The following ADAMTS10 variants were observed in gnomAD, a reference collection of about 807,000 sequenced individuals.
The protein encoded by ADAMTS10 is ADAM metallopeptidase with thrombospondin type 1 motif 10, also known as A disintegrin and metalloproteinase with thrombospondin motifs 10.
Under a neutral mutation model 135.9 loss-of-function variants are expected in ADAMTS10, and 48 were observed. The observed-to-expected ratio is 0.35, with a 90% CI of 0.28 to 0.45. ADAMTS10 has a LOEUF of 0.45. Ranked by LOEUF, ADAMTS10 falls within the 20% of genes least tolerant of loss-of-function variation. ADAMTS10 has a pLI of 1.00. For synonymous variants in ADAMTS10, 621 were observed against 647.5 expected (o/e 0.96, Z 0.62); for missense variants, 1,131 against 1,565.2 (o/e 0.72, Z 4.68).
At chr19:8,588,363 G>C (rs1042156327) in intron 18 of ADAMTS10, among the ~76,000 whole-genome samples, 10 of 152,090 alleles carry the variant, frequency 6.6e-5, no homozygotes, top group Non-Finnish European at 5.9e-5. Flanking sequence ...TGGGATTACA[G>C]GTGTGAGCCA....
intron 12 of ADAMTS10, 60 bp downstream of exon 12, chr19:8,595,702 T>TCCCCCCCC: frequency 3.4e-6 from 3 of 894,220 alleles, no homozygotes; most frequent in Non-Finnish European, 5.0e-6. Flanking sequence ...TGGAGTTCCC[T>TCCCCCCCC]CCCCCAGCCC....
rs2042666536 is a variant in ADAMTS10 at position 8,601,205 on chromosome 19, ACAACTGT to A, written c.593-67_593-61del. ...TGCTGGTGGGACGCAGAGCTGCCTG[ACAACTGT>A]CTTGTCCAACCTCTGACTGGCTACC... On this transcript the variant is annotated intron_variant, in intron 5 of 25. Coordinates refer to ENST00000597188, the MANE Select transcript of ADAMTS10 (RefSeq NM_030957.4). The surrounding 1 kb of genome is among the most constrained non-coding windows in gnomAD (Gnocchi z 4.6). 1.3e-6 allele frequency: 2 copies of A among 1,570,804 alleles called. No homozygotes were observed. The highest frequency in any genetic ancestry group is 1.7e-6 in the Non-Finnish European group (2 of 1,156,080).
intron 5 of ADAMTS10, among the ~76,000 whole-genome samples, chr19:8,603,365 C>T (rs1317555193): frequency 6.6e-6 from 1 of 152,158 alleles, no homozygotes; most frequent in African/African-American, 2.4e-5. Context: ...ACCTCTGCCT[C>T]CCGGGTTCAA....
chr19:8,592,499 A>C (rs546408015), intron 13 of ADAMTS10, among the ~76,000 whole-genome samples: 9 of 150,086 alleles, frequency 6.0e-5, no homozygotes, highest in East Asian at 6.0e-4. Flanking sequence ...AGCCGTGGGA[A>C]TCATTACACG....
intron 18 of ADAMTS10, among the ~76,000 whole-genome samples, chr19:8,588,516 C>T (rs186650162): frequency 1.6e-3 from 240 of 152,290 alleles, no homozygotes; most frequent in African/African-American, 5.5e-3. Flanking sequence ...ACAGTGCCTA[C>T]GGCTTCCTCA....
Position 8,596,435 on chromosome 19 carries a change from ATGG to A in ADAMTS10, c.1085-26_1085-24del, listed in dbSNP as rs1215016945. 5.0e-6 allele frequency: 8 copies of A among 1,613,718 alleles called. No individual in the cohort carries two copies. Among genetic ancestry groups the A allele is most frequent in the Non-Finnish European group, 6.8e-6 (8 of 1,179,852 alleles). On this transcript the variant is annotated intron_variant, in intron 9 of 25. Transcript: ENST00000597188. This position sits in a 1 kb window ranked among gnomAD's most constrained non-coding sequence, Gnocchi z 7.2. ...GGCCTGGGAAGACGGACATGTGGGG[ATGG>A]GGCTGGGAGGCTCAGGACGGTGCTG... is the stretch of plus-strand genomic sequence containing the variant.
chr19:8,607,608 A>C (rs1326067663), intron 2 of ADAMTS10, among the ~76,000 whole-genome samples: 3 of 152,140 alleles, frequency 2.0e-5, no homozygotes, highest in Non-Finnish European at 4.4e-5. Context: ...TCCAAGTCTG[A>C]GAGTCAATCC....
chr19:8,609,173 C>G (rs1324159244), intron 1 of ADAMTS10, among the ~76,000 whole-genome samples: 2 of 146,724 alleles, frequency 1.4e-5, no homozygotes, highest in African/African-American at 5.0e-5. Context: ...TGTGTGTGAC[C>G]CTGTGTGTGA....
chr19:8,581,276 C>T (rs563227474), intron 25 of ADAMTS10: 1 of 249,798 alleles, frequency 4.0e-6, no homozygotes, highest in African/African-American at 2.3e-5. Flanking sequence ...CCACGCCTGA[C>T]TTCTGTGCCT....
chr19:8,588,332 C>G (rs1383297075), intron 18 of ADAMTS10, among the ~76,000 whole-genome samples: 2 of 151,930 alleles, frequency 1.3e-5, no homozygotes, highest in East Asian at 3.9e-4. Context: ...GGGATCCTCC[C>G]GCTTCAGCCT....
intron 6 of ADAMTS10, among the ~76,000 whole-genome samples, chr19:8,599,400 G>T (rs2042639120): frequency 6.6e-6 from 1 of 151,810 alleles, no homozygotes; most frequent in Non-Finnish European, 1.5e-5. Flanking sequence ...GTGCGATCTT[G>T]GCTCACTGCA....
At chr19:8,589,793 A>C in intron 16 of ADAMTS10, 96 bp downstream of exon 16, 1 of 1,452,168 alleles carries the variant, frequency 6.9e-7, no homozygotes, top group South Asian at 1.2e-5. Context: ...GACAGGGCTC[A>C]GGGCAGACCC....
In ADAMTS10 at chr19:8,595,787, A is replaced by T; in HGVS notation, c.1454T>A (p.Val485Asp). 6.3e-7 allele frequency: 1 copy of T among 1,580,964 alleles called. No homozygotes were observed. The highest frequency in any genetic ancestry group is 1.4e-5 in the African/African-American group (1 of 73,412). The change falls in exon 12 of 26, where the codon GTC (valine) becomes GAC (aspartate). Residue 485 changes from valine to aspartate, a missense_variant. Physicochemically the swap from Val to Asp is radical, Grantham distance 152 (BLOSUM62 -3). Coordinates refer to ENST00000597188, the MANE Select transcript of ADAMTS10 (RefSeq NM_030957.4). The stretch of plus-strand genomic sequence containing the variant: ...CCCGTATTTACACTGACGCGATTTG[A>T]CTCCATGCTGAAAGCGGCATTGCTC... ...ADEQCRFQHG[V>D]KSRQCKYGEV...
chr19:8,605,440 G>C lies in ADAMTS10; in HGVS notation c.89-82C>G, dbSNP rs2042711077. On this transcript the variant is annotated intron_variant, in intron 3 of 25. Coordinates refer to ENST00000597188, the MANE Select transcript of ADAMTS10 (RefSeq NM_030957.4). This position sits in a 1 kb window ranked among gnomAD's most constrained non-coding sequence, Gnocchi z 7.7. Reference sequence around the variant, plus strand: ...CCTGGCTGTTAGGCTGCTGGAGCAAGTGATGCTGGCCTCACTGACCCCCGA... The same window carrying C: ...CCTGGCTGTTAGGCTGCTGGAGCAACTGATGCTGGCCTCACTGACCCCCGA... 2.7e-6 allele frequency: 4 copies of C among 1,492,924 alleles called. No homozygotes were observed. In the African/African-American group the frequency reaches 5.6e-5, roughly 21 times the overall value. 92.5% of individuals were successfully genotyped at this position (1,492,924 alleles called of 1,614,324 possible).
rs369050914 is a variant in ADAMTS10, at chr19:8,581,130, C to CTTTTTTTTTTTTTT, written c.3203-142_3203-129dup. 4.7e-4 allele frequency: 69 copies of CTTTTTTTTTTTTTT among 147,294 alleles called. 1 individual carries two copies. The highest frequency in any genetic ancestry group is 2.2e-3 in the Middle Eastern group (1 of 450). 9.1% of individuals were successfully genotyped at this position (147,294 alleles called of 1,614,324 possible). A position where few individuals can be genotyped will look rare whatever the true frequency, so the allele number is the denominator to read the frequency against. Reference sequence around the variant, plus strand: ...CTTGGTTTCTTTCTTTTTAAATTTACTTTTTTTTTTTTTTTTTTTTTTTTT... The same window carrying CTTTTTTTTTTTTTT: ...CTTGGTTTCTTTCTTTTTAAATTTACTTTTTTTTTTTTTTTTTTTTTTTTTTTTTTTTTTTTTTT... On this transcript the variant is annotated intron_variant, in intron 25 of 25. Transcript: ENST00000597188.
At chr19:8,588,861 G>A (rs778232740) in intron 18 of ADAMTS10, among the ~76,000 whole-genome samples, 1 of 150,750 alleles carries the variant, frequency 6.6e-6, no homozygotes, top group Non-Finnish European at 1.5e-5. Context: ...GTGTGATCTC[G>A]GCTCACTGCA....
intron 2 of ADAMTS10, among the ~76,000 whole-genome samples, chr19:8,607,733 C>G (rs1411180396): frequency 6.6e-6 from 1 of 151,988 alleles, no homozygotes; most frequent in Non-Finnish European, 1.5e-5. Flanking sequence ...ACGGGGAGCT[C>G]ACTCACAGAT....
In ADAMTS10 at chr19:8,595,905, T is replaced by A. The variant is rs2042597970; in HGVS notation, c.1338-2A>T. ...TTCAGGCAGAGCCCCAGGCCCGAGC[T>A]GCCTCGAGAGAAAAGCAACTGTCAT... On this transcript the variant is annotated splice_acceptor_variant, in intron 11 of 25. Transcript: ENST00000597188. LOFTEE classifies it high-confidence loss of function. 1 of 1,614,086 alleles carries A rather than the reference T, an allele frequency of 6.2e-7. No homozygotes were observed. Among genetic ancestry groups the A allele is most frequent in the African/African-American group, 1.3e-5 (1 of 74,936 alleles).
chr19:8,585,198 C>T lies in ADAMTS10; in HGVS notation c.2976G>A (p.Pro992=), dbSNP rs1472234085. 2 of 1,419,224 alleles carry T rather than the reference C, an allele frequency of 1.4e-6. No individual in the cohort carries two copies. The highest frequency in any genetic ancestry group is 5.4e-5 in the East Asian group (2 of 36,900). The allele number at this position is 1,419,224 out of a possible 1,614,324, so 87.9% of individuals were successfully genotyped here. A position where few individuals can be genotyped will look rare whatever the true frequency, so the allele number is the denominator to read the frequency against. The part of the protein sequence containing the change: ...PAHCSPAAKP[P]ATMRCNLRRC... ...GGCGCAAGTTGCAGCGCATGGTGGC[C>T]GGTGGCTTGGCGGCGGGTGAGCAGT... is the stretch of plus-strand genomic sequence containing the variant. The change falls in exon 24 of 26, where the codon CCG becomes CCA. Residue 992 remains proline, a synonymous_variant. Transcript: ENST00000597188.
Sources: allele counts gnomAD v4.1 joint callset (sites outside exome capture counted in the v4.1 genomes callset), GRCh38; gene constraint gnomAD v4.1.1; non-coding constraint Gnocchi (gnomAD v3.1); transcripts MANE v1.5; gene names NCBI Gene and HGNC (gene_info 2026-07-23, HGNC 2026-07-21).